NBAS: variants seen among roughly 807,000 people sequenced by gnomAD.
NBAS encodes NBAS subunit of NRZ tethering complex, also known as NAG/BC035112 fusion.
A neutral mutation model predicts 302.5 loss-of-function variants in NBAS; 219 were observed. The ratio of observed to expected loss-of-function variants is 0.72; its 90% CI spans 0.65 to 0.81. NBAS has a LOEUF of 0.81. Ranked by LOEUF, NBAS falls within the 30% of genes least tolerant of loss-of-function variation. The probability of loss-of-function intolerance (pLI) is 0.00; values close to 1 mark genes in which losing one functional copy is unlikely to be tolerated. For synonymous variants in NBAS, 1,118 were observed against 1,021.6 expected, an observed-to-expected ratio of 1.09 and a Z score of -1.80; for missense variants, 2,932 against 2,841.6, an observed-to-expected ratio of 1.03 and a Z score of -0.72.
intron 19 of NBAS, among the ~76,000 whole-genome samples, chr2:15,462,716 C>T (rs13384921): frequency 0.61 from 92,625 of 151,856 alleles, 29,200 homozygotes; most frequent in Non-Finnish European, 0.68. Context: ...AGCTATGCAG[C>T]GAGCAGGTGA....
chr2:15,295,408 G>C (rs1223423803), intron 40 of NBAS, among the ~76,000 whole-genome samples: 21 of 152,130 alleles, frequency 1.4e-4, no homozygotes, highest in Admixed American at 1.4e-3. Context: ...AATAAGCACA[G>C]ACACACAGAG....
At chr2:15,391,879 T>TA (rs200344843) in intron 28 of NBAS, among the ~76,000 whole-genome samples, 4,088 of 126,644 alleles carry the variant, frequency 0.032, 100 homozygotes, top group African/African-American at 0.078. Flanking sequence ...CGTAGCATAC[T>TA]AAAAAAAAAA....
chr2:15,310,938 T>A (rs1434374526), intron 38 of NBAS, among the ~76,000 whole-genome samples: 1 of 152,220 alleles, frequency 6.6e-6, no homozygotes, highest in Non-Finnish European at 1.5e-5. Flanking sequence ...TATACATATA[T>A]AATGAATCTC....
At chr2:15,288,155 T>C (rs1670142107) in intron 41 of NBAS, among the ~76,000 whole-genome samples, 1 of 152,224 alleles carries the variant, frequency 6.6e-6, no homozygotes, top group Non-Finnish European at 1.5e-5. Context: ...GGGTAGAGAT[T>C]TGAGAAAGCA....
the NBAS span, among the ~76,000 whole-genome samples, chr2:15,097,100 G>T: frequency 5.3e-5 from 8 of 152,194 alleles, no homozygotes; most frequent in Admixed American, 5.2e-4. Context: ...GGTAGAGTTA[G>T]CCTGTCCAAG....
the NBAS span, among the ~76,000 whole-genome samples, chr2:14,984,256 C>T: frequency 6.6e-6 from 1 of 151,980 alleles, no homozygotes; most frequent in Non-Finnish European, 1.5e-5. Flanking sequence ...GTCTCTGCCC[C>T]CTACCCTTCC....
intron 13 of NBAS, among the ~76,000 whole-genome samples, chr2:15,477,622 T>C (rs1680247183): frequency 6.6e-6 from 1 of 152,100 alleles, no homozygotes; most frequent in African/African-American, 2.4e-5. Context: ...CACTTAAAAA[T>C]TCATCACGGA....
the NBAS span, among the ~76,000 whole-genome samples, chr2:15,010,034 T>C: frequency 1.3e-5 from 2 of 152,062 alleles, no homozygotes; most frequent in African/African-American, 4.8e-5. Flanking sequence ...ATAAGCAATG[T>C]CCCTAGAGAG....
chr2:15,255,005 C>T (rs551218127), intron 44 of NBAS, among the ~76,000 whole-genome samples: 8 of 152,174 alleles, frequency 5.3e-5, no homozygotes, highest in East Asian at 3.9e-4. Flanking sequence ...TTTGCAATTG[C>T]GAATTGTGCT....
At chr2:15,315,270 G>A (rs1671456030) in intron 38 of NBAS, among the ~76,000 whole-genome samples, 1 of 152,212 alleles carries the variant, frequency 6.6e-6, no homozygotes, top group Non-Finnish European at 1.5e-5. Flanking sequence ...GTTGGGTTTG[G>A]TTGATGAATA....
intron 2 of NBAS, among the ~76,000 whole-genome samples, 179 bp downstream of exon 2, chr2:15,558,401 C>A (rs1460487986): frequency 6.6e-6 from 1 of 152,064 alleles, no homozygotes; most frequent in African/African-American, 2.4e-5. Context: ...GAGCTAAAAA[C>A]GTGCATGCGT....
At chr2:15,239,703 C>CAT (rs10666715) in intron 44 of NBAS, among the ~76,000 whole-genome samples, 18,855 of 150,958 alleles carry the variant, frequency 0.12, 1,544 homozygotes, top group East Asian at 0.31. Flanking sequence ...TATGCATATA[C>CAT]ATATATATAT....
intron 21 of NBAS, 111 bp downstream of exon 21, chr2:15,461,090 G>A: frequency 3.8e-6 from 4 of 1,042,510 alleles, no homozygotes; most frequent in Non-Finnish European, 5.5e-6. Context: ...CAGGAAAAAA[G>A]TTTAAATATA....
rs577094891 is a variant in NBAS, at chr2:15,429,912, T to G, written c.2340-2118A>C. Among the ~76,000 whole-genome samples the G allele has an allele frequency of 3.3e-5, 5 of 152,280 alleles. 1 individual carries two copies. The South Asian group carries it at 1.0e-3, about 32-fold the overall frequency. On this transcript the variant is annotated intron_variant, in intron 21 of 51. Coordinates refer to ENST00000281513, the MANE Select transcript of NBAS (RefSeq NM_015909.4). ...TAACTAATATTTTATCACAGATCAC[T>G]GAAAAGTAAAAAAGATAACATCTGG...
chr2:14,857,272 C>T, the NBAS span, among the ~76,000 whole-genome samples: 2 of 152,096 alleles, frequency 1.3e-5, no homozygotes, highest in Non-Finnish European at 2.9e-5. Flanking sequence ...AGATTCAATG[C>T]ACTTTCCATC....
chr2:15,294,420 T>A (rs1670454407), intron 40 of NBAS, among the ~76,000 whole-genome samples: 1 of 152,160 alleles, frequency 6.6e-6, no homozygotes, highest in Non-Finnish European at 1.5e-5. Context: ...ACCAGCTGCA[T>A]ATAAACAGTA....
chr2:14,909,366 TAAAAAAAAAAA>T, the NBAS span, among the ~76,000 whole-genome samples: 35,007 of 78,976 alleles, frequency 0.44, 5,958 homozygotes, highest in South Asian at 0.49. Context: ...GGAGAGTTTC[TAAAAAAAAAAA>T]AAAAAAAAAA....
the NBAS span, among the ~76,000 whole-genome samples, chr2:14,856,778 C>T: frequency 6.6e-6 from 1 of 151,916 alleles, no homozygotes; most frequent in Non-Finnish European, 1.5e-5. Flanking sequence ...AAAACAAAAG[C>T]AATGAAACAA....
At chr2:15,044,608 T>G in the NBAS span, among the ~76,000 whole-genome samples, 1 of 152,236 alleles carries the variant, frequency 6.6e-6, no homozygotes, top group Non-Finnish European at 1.5e-5. Context: ...CTCCAAAGTC[T>G]TTGACCTGAC....
Sources: gnomAD v4.1 joint callset for allele counts (sites outside exome capture counted in the v4.1 genomes callset) on GRCh38, gnomAD v4.1.1 for gene constraint, MANE v1.5 for transcripts, NCBI Gene and HGNC (gene_info 2026-07-23, HGNC 2026-07-21) for gene names.